CRY2: variants seen among roughly 807,000 people sequenced by gnomAD.
CRY2 encodes the protein cryptochrome-2.
A neutral mutation model predicts 69.5 loss-of-function variants in CRY2; 31 were observed. That is an observed-to-expected ratio of 0.45 (90% CI 0.34 to 0.60). CRY2 has a LOEUF of 0.60. Among genes scored for constraint, CRY2 ranks in the 20% least tolerant of loss-of-function variants. CRY2 has a pLI of 0.02. For synonymous variants in CRY2, 303 were observed against 312.2 expected, an observed-to-expected ratio of 0.97 and a Z score of 0.31; for missense variants, 606 against 797.8, an observed-to-expected ratio of 0.76 and a Z score of 2.90.
At chr11:45,871,053 G>A (rs2086377664) in intron 10 of CRY2, 119 bp downstream of exon 10, 1 of 776,602 alleles carries the variant, frequency 1.3e-6, no homozygotes, top group African/African-American at 1.7e-5. Context: ...ACCTGGGGCA[G>A]TCAGATAGTA....
chr11:45,853,154 A>G (rs79033888), intron 1 of CRY2, among the ~76,000 whole-genome samples: 8,738 of 152,282 alleles, frequency 0.057, 362 homozygotes, highest in Non-Finnish European at 0.081. Flanking sequence ...TAATCTCTCT[A>G]TGCCTCAGTT....
chr11:45,872,729 G>T (rs1462404591), intron 11 of CRY2, among the ~76,000 whole-genome samples: 1 of 152,160 alleles, frequency 6.6e-6, no homozygotes, highest in African/African-American at 2.4e-5. Flanking sequence ...AAAAAGGGAG[G>T]CATGGGGGCT....
Position 45,869,745 on chromosome 11 carries a change from C to T in CRY2, c.1122C>T (p.His374=), listed in dbSNP as rs1308293767. The change falls in exon 7 of 12, where the codon CAC becomes CAT. Residue 374 remains histidine, a synonymous_variant. Coordinates refer to ENST00000616080, the MANE Select transcript of CRY2 (RefSeq NM_021117.5). ...TGAGGCAGGAGGGCTGGATCCACCA[C>T]CTGGCCCGGCATGCCGTGGCCTGCT... The part of the protein sequence containing the change: ...TQLRQEGWIH[H]LARHAVACFL... 1.2e-6 allele frequency: 2 copies of T among 1,613,810 alleles called. No homozygotes were observed. Among genetic ancestry groups the T allele is most frequent in the Non-Finnish European group, 1.7e-6 (2 of 1,179,930 alleles).
chr11:45,854,670 C>T (rs2086225678), intron 1 of CRY2, among the ~76,000 whole-genome samples: 1 of 152,110 alleles, frequency 6.6e-6, no homozygotes, highest in African/African-American at 2.4e-5. Context: ...GCCTGGGCGA[C>T]AGAGCGAGAC....
At chr11:45,854,854 G>C (rs889495008) in intron 1 of CRY2, among the ~76,000 whole-genome samples, 1 of 152,106 alleles carries the variant, frequency 6.6e-6, no homozygotes, top group Admixed American at 6.6e-5. Context: ...AAATAAGGAT[G>C]GTACTATTTC....
chr11:45,870,796 C>A, intron 9 of CRY2, 46 bp from the exon 10 acceptor site: 1 of 1,518,708 alleles, frequency 6.6e-7, no homozygotes, highest in South Asian at 1.1e-5. Flanking sequence ...TAGCCCTCTG[C>A]AATCCTGCGA....
intron 11 of CRY2, among the ~76,000 whole-genome samples, chr11:45,875,749 G>T (rs1450505570): frequency 6.6e-6 from 1 of 152,182 alleles, no homozygotes; most frequent in Non-Finnish European, 1.5e-5. Context: ...AATCCTGAGA[G>T]AAGAAGAGTA....
intron 2 of CRY2, among the ~76,000 whole-genome samples, chr11:45,856,594 A>C (rs1395356067): frequency 1.3e-5 from 2 of 152,366 alleles, no homozygotes; most frequent in East Asian, 3.9e-4. Flanking sequence ...CAGGAGATCC[A>C]GGCCATCCTG....
At chr11:45,877,999 C>T (rs1242147007) in intron 11 of CRY2, among the ~76,000 whole-genome samples, 1 of 152,222 alleles carries the variant, frequency 6.6e-6, no homozygotes, top group Non-Finnish European at 1.5e-5. Flanking sequence ...CCCCTCCCTT[C>T]ATGAGCCTGC....
chr11:45,875,675 G>A (rs757251494), intron 11 of CRY2, among the ~76,000 whole-genome samples: 5 of 152,200 alleles, frequency 3.3e-5, no homozygotes, highest in African/African-American at 4.8e-5. Flanking sequence ...AGAGGTCAGA[G>A]GATCTGGGGT....
intron 11 of CRY2, among the ~76,000 whole-genome samples, chr11:45,874,565 G>A (rs2086411457): frequency 6.6e-6 from 1 of 152,190 alleles, no homozygotes; most frequent in African/African-American, 2.4e-5. Context: ...TGAGGGTATG[G>A]TTGTATACAA....
At chr11:45,852,833 A>G (rs1229818522) in intron 1 of CRY2, among the ~76,000 whole-genome samples, 1 of 152,234 alleles carries the variant, frequency 6.6e-6, no homozygotes, top group African/African-American at 2.4e-5. Flanking sequence ...TTGCTAAAAT[A>G]CAGATTCTAA....
intron 5 of CRY2, 108 bp from the exon 6 acceptor site, chr11:45,867,504 G>A: frequency 2.1e-6 from 3 of 1,430,854 alleles, no homozygotes; most frequent in Non-Finnish European, 2.9e-6. Context: ...TGGCTCCATG[G>A]CTGGCTGTTC....
At chr11:45,847,396 G>T (rs747137493), upstream of CRY2, 1 of 1,595,664 alleles carries the variant, frequency 6.3e-7, no homozygotes, top group Admixed American at 1.7e-5. Context: ...ACTAAGGGTG[G>T]AGTTGCGGCG....
At chr11:45,862,175 C>T (rs1241967432) in intron 5 of CRY2, 27 bp downstream of exon 5, 1 of 1,595,284 alleles carries the variant, frequency 6.3e-7, no homozygotes, top group Admixed American at 1.7e-5. Context: ...AGACACAGAG[C>T]TGCAGATACT....
intron 3 of CRY2, among the ~76,000 whole-genome samples, chr11:45,859,986 A>T (rs757484524): frequency 6.6e-5 from 10 of 152,062 alleles, no homozygotes; most frequent in Non-Finnish European, 1.5e-4. Context: ...CCGACCATAT[A>T]TCTCCACTAA....
rs558200117 is a variant in CRY2, at chr11:45,882,863, C to G, written c.*1952C>G. On this transcript the variant is annotated 3_prime_UTR_variant, in exon 12 of 12. Coordinates refer to ENST00000616080, the MANE Select transcript of CRY2 (RefSeq NM_021117.5). ...TTTTCCTGCCTGTCTGCTGCTGGCT[C>G]TCTTCCCTAAGGTACAGGTTGGCAG... 6 of 397,116 alleles carry G rather than the reference C, an allele frequency of 1.5e-5. No individual in the cohort carries two copies. Among genetic ancestry groups the G allele is most frequent in the East Asian group, 3.6e-5 (1 of 28,016 alleles). 24.6% of individuals were successfully genotyped at this position (397,116 alleles called of 1,614,324 possible).
At chr11:45,847,193 G>A (rs2086155025), upstream of CRY2, 3 of 1,549,386 alleles carry the variant, frequency 1.9e-6, no homozygotes, top group East Asian at 2.4e-5. Context: ...GCCTACTCCC[G>A]GCACTCCGCG....
At chr11:45,867,782 C>T in intron 6 of CRY2, 30 bp downstream of exon 6, 2 of 1,613,670 alleles carry the variant, frequency 1.2e-6, no homozygotes, top group Non-Finnish European at 1.7e-6. Flanking sequence ...CCACATTGCA[C>T]CTAAGGCCTG....
Sources: allele counts gnomAD v4.1 joint callset (sites outside exome capture counted in the v4.1 genomes callset), GRCh38; gene constraint gnomAD v4.1.1; transcripts MANE v1.5; gene names NCBI Gene and HGNC (gene_info 2026-07-23, HGNC 2026-07-21).